The following LRP1B variants were observed in gnomAD, a reference collection of about 807,000 sequenced individuals.
The protein encoded by LRP1B is low-density lipoprotein receptor-related protein 1B.
LRP1B carries 217 observed loss-of-function variants against 556.6 expected under a neutral mutation model. The ratio of observed to expected loss-of-function variants is 0.39; its 90% confidence interval spans 0.35 to 0.44. The LOEUF (loss-of-function observed/expected upper bound fraction) is 0.44, where lower values mean the gene tolerates loss of function less well. Ranked by LOEUF, LRP1B falls within the 20% of genes least tolerant of loss-of-function variation. The pLI, the probability that LRP1B is intolerant of heterozygous loss-of-function variation, is 1.00. For missense variants in LRP1B, 5,053 were observed against 5,620.8 expected (o/e 0.90, Z 3.23); for synonymous variants, 2,047 against 1,865.8 (o/e 1.10, Z -2.50).
intron 3 of LRP1B, among the ~76,000 whole-genome samples, chr2:141,439,893 CAT>C (rs1290774589): frequency 6.6e-6 from 1 of 152,146 alleles, no homozygotes; most frequent in African/African-American, 2.4e-5. Flanking sequence ...AATGTGTCCA[CAT>C]AGTGTCCAAA....
chr2:141,797,332 A>C (rs1005102605), intron 2 of LRP1B, among the ~76,000 whole-genome samples: 1 of 151,546 alleles, frequency 6.6e-6, no homozygotes, highest in African/African-American at 2.4e-5. Flanking sequence ...AGAGAGGAAA[A>C]GATTGCTGTC....
At position 141,964,440 on chromosome 2, in the gene LRP1B, G is replaced by A. The variant is rs1399141825; in HGVS notation, c.83-154039C>T. On this transcript the variant is annotated intron_variant, in intron 1 of 90. Transcript: ENST00000389484. ...GAACAGAGCCCTCAGAAATAATGCC[G>A]CATACCTACAACTATCTGATCTTTG... Among the ~76,000 whole-genome samples the A allele has an allele frequency of 3.8e-3, 558 of 148,192 alleles. 6 individuals carry two copies. The highest frequency in any genetic ancestry group is 0.013 in the African/African-American group (519 of 40,600).
At chr2:140,563,690 A>T (rs1172558721) in intron 43 of LRP1B, among the ~76,000 whole-genome samples, 4 of 152,212 alleles carry the variant, frequency 2.6e-5, no homozygotes, top group African/African-American at 9.6e-5. Flanking sequence ...ATGTTTTAAT[A>T]CTAAGAGTAC....
chr2:141,727,992 A>AT lies in LRP1B; in HGVS notation c.205+82286dup, dbSNP rs529084148. On this transcript the variant is annotated intron_variant, in intron 2 of 90. Transcript: ENST00000389484. ...CTTATTCTGAAACATCTACTATGTG[A>AT]TTTTTTTCCCCAAAGGACAGTACTT... is the stretch of plus-strand genomic sequence containing the variant. 1.4e-4 allele frequency among the ~76,000 whole-genome samples: 22 copies of AT among 152,016 alleles called. No homozygotes were observed. The East Asian group carries it at 2.1e-3, about 15-fold the overall frequency.
rs1344500370 is a variant in LRP1B at position 140,314,998 on chromosome 2, A to G, written c.12742T>C (p.Cys4248Arg). The change falls in exon 83 of 91, where the codon TGT (cysteine) becomes CGT (arginine). Residue 4248 changes from cysteine to arginine, a missense_variant. Cys to Arg is a radical substitution (Grantham distance 180, BLOSUM62 -3). This residue lies in a region of LRP1B where 551 missense variants were observed against 592.0 expected (regional missense o/e 0.93). Coordinates refer to ENST00000389484, the MANE Select transcript of LRP1B (RefSeq NM_018557.3). ...TAGTTGCTACAGTGGTTGACTTCAC[A>G]TCTTTCTCCTGAATAACTGGGCCAA... ...HCWPSYSGER[C>R]EVNHCSNYCQ... The G allele has an allele frequency of 1.2e-6, 2 of 1,611,926 alleles. No individual in the cohort carries two copies. The highest frequency in any genetic ancestry group is 1.7e-6 in the Non-Finnish European group (2 of 1,178,766).
intron 1 of LRP1B, among the ~76,000 whole-genome samples, chr2:142,100,973 G>A (rs1706548304): frequency 1.3e-5 from 2 of 151,904 alleles, no homozygotes. Flanking sequence ...AGGAAGAGAG[G>A]GAAAGAGGAG....
At chr2:140,394,584 C>A (rs1684170948) in intron 66 of LRP1B, among the ~76,000 whole-genome samples, 1 of 152,180 alleles carries the variant, frequency 6.6e-6, no homozygotes, top group African/African-American at 2.4e-5. Flanking sequence ...GAACCATTTT[C>A]TTGGAAGTCC....
intron 2 of LRP1B, among the ~76,000 whole-genome samples, chr2:141,670,036 A>G (rs1048737021): frequency 2.0e-5 from 3 of 152,188 alleles, no homozygotes; most frequent in Non-Finnish European, 4.4e-5. Context: ...TACAGGCATG[A>G]GCCACTGCGC....
intron 2 of LRP1B, among the ~76,000 whole-genome samples, chr2:141,627,412 C>T (rs1438889641): frequency 6.6e-6 from 1 of 152,148 alleles, no homozygotes; most frequent in African/African-American, 2.4e-5. Context: ...TAGTATGTGT[C>T]GCCAGCCCCC....
At chr2:141,535,695 T>C (rs1685048160) in intron 2 of LRP1B, among the ~76,000 whole-genome samples, 1 of 152,108 alleles carries the variant, frequency 6.6e-6, no homozygotes, top group Admixed American at 6.6e-5. Flanking sequence ...GGTACTTTTA[T>C]ACAAGAAAGC....
intron 1 of LRP1B, among the ~76,000 whole-genome samples, chr2:141,997,670 G>A (rs1702539173): frequency 8.8e-6 from 1 of 113,360 alleles, no homozygotes; most frequent in Admixed American, 9.4e-5. Flanking sequence ...TATATATATA[G>A]CCTTTATGCT....
chr2:140,942,711 A>C (rs1247704303), intron 20 of LRP1B, among the ~76,000 whole-genome samples: 3 of 94,116 alleles, frequency 3.2e-5, no homozygotes, highest in African/African-American at 8.4e-5. Flanking sequence ...AGGAGAAATA[A>C]ATTTTTTTTC....
Position 140,270,210 on chromosome 2 carries a change from A to T in LRP1B, c.13247+32T>A, listed in dbSNP as rs1050668606. 20 of 1,484,046 alleles carry T rather than the reference A, an allele frequency of 1.3e-5. No homozygotes were observed. In the East Asian group the frequency reaches 4.5e-4, roughly 34 times the overall value. The allele number at this position is 1,484,046 out of a possible 1,614,324, so 91.9% of individuals were successfully genotyped here. On this transcript the variant is annotated intron_variant, in intron 86 of 90. Transcript: ENST00000389484. ...TTTCATGTACATACAAAGGCTTATT[A>T]TAAGATGCCCATGACTTGATTAAAT...
intron 1 of LRP1B, among the ~76,000 whole-genome samples, chr2:141,859,738 C>A (rs1698179102): frequency 6.6e-6 from 1 of 152,034 alleles, no homozygotes; most frequent in Non-Finnish European, 1.5e-5. Flanking sequence ...ATACATGTAG[C>A]AAAACATCAC....
intron 72 of LRP1B, among the ~76,000 whole-genome samples, chr2:140,364,298 G>A (rs1183902861): frequency 2.6e-5 from 4 of 151,304 alleles, no homozygotes; most frequent in Non-Finnish European, 5.9e-5. Context: ...TTTTTAATTT[G>A]CTTATCTGTA....
chr2:140,423,801 A>G (rs569170301), intron 66 of LRP1B, among the ~76,000 whole-genome samples: 8 of 152,250 alleles, frequency 5.3e-5, no homozygotes, highest in Admixed American at 5.2e-4. Flanking sequence ...ACAGTAATCT[A>G]GACATTATCA....
chr2:141,260,573 T>C (rs1684646920), intron 3 of LRP1B, among the ~76,000 whole-genome samples: 2 of 152,194 alleles, frequency 1.3e-5, no homozygotes, highest in African/African-American at 4.8e-5. Flanking sequence ...CATAAATAGC[T>C]CTAAGCCAAA....
chr2:141,066,420 C>T (rs1310957409), intron 7 of LRP1B, among the ~76,000 whole-genome samples: 4 of 151,956 alleles, frequency 2.6e-5, no homozygotes, highest in African/African-American at 7.2e-5. Context: ...AAAGGGAGCG[C>T]TCATGGACAG....
intron 2 of LRP1B, among the ~76,000 whole-genome samples, chr2:141,731,137 T>C (rs181802020): frequency 1.3e-5 from 2 of 152,236 alleles, no homozygotes; most frequent in Admixed American, 6.5e-5. Flanking sequence ...ATTTTCATAA[T>C]ACAGAACATG....
Sources: gnomAD v4.1 joint callset for allele counts (sites outside exome capture counted in the v4.1 genomes callset) on GRCh38, gnomAD v4.1.1 for gene constraint, gnomAD v4.1.1 regional missense constraint, MANE v1.5 for transcripts, NCBI Gene and HGNC (gene_info 2026-07-23, HGNC 2026-07-21) for gene names.